COL22A1: variants seen among roughly 807,000 people sequenced by gnomAD.
The protein encoded by COL22A1 is collagen alpha-1(XXII) chain.
Under a neutral mutation model 248.9 loss-of-function variants are expected in COL22A1, and 221 were observed. The observed-to-expected ratio is 0.89, with a 90% CI of 0.80 to 0.99. COL22A1 has a LOEUF of 0.99. Ranked by LOEUF, COL22A1 falls within the 50% of genes least tolerant of loss-of-function variation. The pLI is 0.00. For synonymous variants in COL22A1, 891 were observed against 793.4 expected (o/e 1.12, Z -2.07); for missense variants, 2,240 against 2,179.0 (o/e 1.03, Z -0.56).
chr8:138,637,077 C>T (rs913317532), intron 47 of COL22A1, among the ~76,000 whole-genome samples: 1 of 152,024 alleles, frequency 6.6e-6, no homozygotes, highest in Admixed American at 6.6e-5. Flanking sequence ...GAGAGCCTTG[C>T]ATGTCAACAT....
In COL22A1 at chr8:138,664,205, G is replaced by GCACACA. The variant is rs1410256929; in HGVS notation, c.3151-466_3151-465insTGTGTG. Among the ~76,000 whole-genome samples the GCACACA allele has an allele frequency of 1.2e-4, 12 of 96,992 alleles. No homozygotes were observed. In the East Asian group the frequency reaches 1.5e-3, roughly 12 times the overall value. 63.6% of individuals were successfully genotyped at this position (96,992 alleles called of 152,430 possible). On this transcript the variant is annotated intron_variant, in intron 41 of 64. Transcript: ENST00000303045. The stretch of plus-strand genomic sequence containing the variant: ...TCTCCAACAAGGGGTGCGCGCGCGC[G>GCACACA]CGCGCACACACACACACACACACAC...
At chr8:138,901,701 C>T (rs1465227411) in intron 1 of COL22A1, among the ~76,000 whole-genome samples, 4 of 152,158 alleles carry the variant, frequency 2.6e-5, no homozygotes, top group East Asian at 1.9e-4. Flanking sequence ...TCACAAGACC[C>T]AAAACGACAT....
At position 138,715,687 on chromosome 8, in the gene COL22A1, C is replaced by T. The variant is rs200238163; in HGVS notation, c.2512G>A (p.Glu838Lys). ...GLPGLKGDRG[E>K]KGEAGPAGPP... ...TGAGAGCAAGTTTCTCCTACCTTTT[C>T]ACCTCGGTCACCTTTCAGTCCTGGA... The change falls in exon 30 of 65, where the codon GAA becomes AAA. Residue 838 changes from glutamate to lysine, a missense_variant. Coordinates refer to ENST00000303045, the MANE Select transcript of COL22A1 (RefSeq NM_152888.3). The T allele has an allele frequency of 6.2e-7, 1 of 1,610,024 alleles. No individual in the cohort carries two copies. The highest frequency in any genetic ancestry group is 2.2e-5 in the East Asian group (1 of 44,716).
intron 30 of COL22A1, among the ~76,000 whole-genome samples, chr8:138,705,939 C>A (rs1473926718): frequency 6.6e-6 from 1 of 152,104 alleles, no homozygotes; most frequent in South Asian, 2.1e-4. Flanking sequence ...AGAGGAAGAT[C>A]TACCAAGCAA....
chr8:138,813,119 T>C, intron 7 of COL22A1, 100 bp from the exon 8 acceptor site: 1 of 876,922 alleles, frequency 1.1e-6, no homozygotes. Flanking sequence ...CTGGTTCCAC[T>C]TCCTCTTTGG....
At chr8:138,627,083 G>A (rs191916999) in intron 50 of COL22A1, among the ~76,000 whole-genome samples, 166 of 152,190 alleles carry the variant, frequency 1.1e-3, no homozygotes, top group African/African-American at 3.8e-3. Context: ...TTTAGGCAAT[G>A]CGCAATAATA....
At chr8:138,810,660 C>CGGG (rs1818135197) in intron 9 of COL22A1, among the ~76,000 whole-genome samples, 2 of 152,200 alleles carry the variant, frequency 1.3e-5, no homozygotes. Context: ...TAACTGAGAA[C>CGGG]TCCCCAAGGG....
chr8:138,750,474 C>T (rs866852878), intron 22 of COL22A1, among the ~76,000 whole-genome samples: 3 of 152,202 alleles, frequency 2.0e-5, no homozygotes, highest in African/African-American at 7.2e-5. Context: ...AGGATGTGAA[C>T]TGTGATGGGG....
intron 22 of COL22A1, among the ~76,000 whole-genome samples, chr8:138,745,563 T>C (rs994451652): frequency 6.6e-6 from 1 of 152,014 alleles, no homozygotes; most frequent in African/African-American, 2.4e-5. Context: ...ACTGTGGTTA[T>C]AAAAATAAAT....
At chr8:138,662,328 C>A (rs1167329316) in intron 42 of COL22A1, among the ~76,000 whole-genome samples, 2 of 152,048 alleles carry the variant, frequency 1.3e-5, no homozygotes, top group South Asian at 2.1e-4. Flanking sequence ...ACAACTTGGA[C>A]CCCATTTGTA....
In COL22A1 at chr8:138,631,623, C is replaced by T. The variant is rs141395188; in HGVS notation, c.3610-875G>A. Reference sequence around the variant, plus strand: ...CGAGCAAGCAGCTCAAAGTGAGCTCCAGGCACACTTTTGCTGGGGACTCTT... The same window carrying T: ...CGAGCAAGCAGCTCAAAGTGAGCTCTAGGCACACTTTTGCTGGGGACTCTT... On this transcript the variant is annotated intron_variant, in intron 49 of 64. Transcript: ENST00000303045. Among the ~76,000 whole-genome samples the T allele has an allele frequency of 4.9e-3, 751 of 152,290 alleles. 6 individuals are homozygous for T. Among genetic ancestry groups the T allele is most frequent in the Middle Eastern group, 0.027 (8 of 294 alleles).
chr8:138,806,141 T>G (rs1384000174), intron 10 of COL22A1, among the ~76,000 whole-genome samples: 1,158 of 62,310 alleles, frequency 0.019, 17 homozygotes, highest in Admixed American at 0.028. Flanking sequence ...TGTGTGGTGG[T>G]GTGTGTGTGA....
chr8:138,898,044 T>G (rs1178488296), intron 1 of COL22A1, among the ~76,000 whole-genome samples: 1 of 152,148 alleles, frequency 6.6e-6, no homozygotes, highest in Non-Finnish European at 1.5e-5. Context: ...CAGGCCTCTT[T>G]CATAAGAACA....
intron 8 of COL22A1, among the ~76,000 whole-genome samples, chr8:138,812,395 G>T (rs1369205287): frequency 6.6e-6 from 1 of 152,172 alleles, no homozygotes; most frequent in African/African-American, 2.4e-5. Flanking sequence ...CGGGAAGCAG[G>T]CTCCATTATT....
chr8:138,651,767 T>A (rs1822760186), intron 45 of COL22A1, among the ~76,000 whole-genome samples: 1 of 151,984 alleles, frequency 6.6e-6, no homozygotes, highest in Non-Finnish European at 1.5e-5. Context: ...GGAACTAGCC[T>A]GATGACACCA....
chr8:138,604,819 CA>C (rs768832655), intron 58 of COL22A1, 50 bp from the exon 59 acceptor site: 1 of 1,436,044 alleles, frequency 7.0e-7, no homozygotes, highest in Non-Finnish European at 9.8e-7. Flanking sequence ...AGCCCAATGT[CA>C]GTACTAAGAC....
intron 23 of COL22A1, among the ~76,000 whole-genome samples, chr8:138,730,011 G>A (rs921235667): frequency 1.3e-5 from 2 of 152,296 alleles, no homozygotes; most frequent in Admixed American, 6.5e-5. Flanking sequence ...GGACGTGAGG[G>A]CCTTTCAGCC....
chr8:138,809,038 T>C (rs776412634), intron 9 of COL22A1, among the ~76,000 whole-genome samples: 5 of 151,574 alleles, frequency 3.3e-5, no homozygotes, highest in Admixed American at 6.6e-5. Context: ...GGAGAAAACA[T>C]TCAGACTTCC....
At position 138,796,802 on chromosome 8, in the gene COL22A1, A is replaced by G; in HGVS notation, c.1596+17T>C. On this transcript the variant is annotated intron_variant, in intron 12 of 64. Transcript: ENST00000303045. ...TCCCATTCCCTTGGAGGAGTGTGAT[A>G]AAAGGAAGATGCTTACCTTTTCACC... is the stretch of plus-strand genomic sequence containing the variant. 6.4e-7 allele frequency: 1 copy of G among 1,568,608 alleles called. No homozygotes were observed. The highest frequency in any genetic ancestry group is 1.1e-5 in the South Asian group (1 of 90,082).
Sources: gnomAD v4.1 joint callset for allele counts (sites outside exome capture counted in the v4.1 genomes callset) on GRCh38, gnomAD v4.1.1 for gene constraint, MANE v1.5 for transcripts, NCBI Gene and HGNC (gene_info 2026-07-23, HGNC 2026-07-21) for gene names.